NTRK3: variants seen among roughly 807,000 people sequenced by gnomAD.
The protein encoded by NTRK3 is NT-3 growth factor receptor.
Under a neutral mutation model 91.7 loss-of-function variants are expected in NTRK3, and 24 were observed. The observed-to-expected ratio is 0.26, with a 90% CI of 0.19 to 0.37. The LOEUF (loss-of-function observed/expected upper bound fraction) is 0.37. Among genes scored for constraint, NTRK3 ranks in the 10% least tolerant of loss-of-function variants. NTRK3 has a pLI of 1.00. For missense variants in NTRK3, 880 were observed against 1,068.9 expected (o/e 0.82, Z 2.46); for synonymous variants, 483 against 404.0 (o/e 1.20, Z -2.34).
intron 13 of NTRK3, among the ~76,000 whole-genome samples, chr15:88,081,547 G>A (rs2048040786): frequency 6.6e-6 from 1 of 152,178 alleles, no homozygotes. Flanking sequence ...AATCCTAGTG[G>A]GCTGGTCGTG....
intron 3 of NTRK3, among the ~76,000 whole-genome samples, chr15:88,207,267 G>A (rs771042643): frequency 3.3e-5 from 5 of 152,128 alleles, no homozygotes; most frequent in Non-Finnish European, 7.4e-5. Context: ...ATGGCACTGC[G>A]GGGATAGTTG....
In NTRK3 at chr15:87,992,423, C is replaced by T. The variant is rs567542035; in HGVS notation, c.1585+40434G>A. ...TTTCACCCCCAGCTCAGACTCCACTCTCTGTATAAGCCACTTGGCAGTTAA... is the reference window on the plus strand; with the variant it reads ...TTTCACCCCCAGCTCAGACTCCACTTTCTGTATAAGCCACTTGGCAGTTAA... On this transcript the variant is annotated intron_variant, in intron 14 of 18. Coordinates refer to ENST00000394480, the Ensembl canonical transcript of NTRK3. Among the ~76,000 whole-genome samples the T allele has an allele frequency of 5.6e-4, 86 of 152,338 alleles. 3 individuals carry two copies. The South Asian group carries it at 0.017, about 31-fold the overall frequency.
At chr15:87,893,560 G>C (rs1365704447) in intron 17 of NTRK3, among the ~76,000 whole-genome samples, 4 of 152,148 alleles carry the variant, frequency 2.6e-5, no homozygotes, top group Non-Finnish European at 5.9e-5. Context: ...CATTTCCATT[G>C]AGTGACTGCA....
At chr15:88,075,457 G>C (rs541658631) in intron 13 of NTRK3, among the ~76,000 whole-genome samples, 1 of 152,264 alleles carries the variant, frequency 6.6e-6, no homozygotes, top group East Asian at 1.9e-4. Context: ...GGTCCTAATA[G>C]ACAACGCCCT....
At chr15:88,253,809 G>A (rs957495122) in intron 3 of NTRK3, among the ~76,000 whole-genome samples, 23 of 152,096 alleles carry the variant, frequency 1.5e-4, no homozygotes, top group African/African-American at 5.3e-4. Context: ...CCTCCCAGAC[G>A]CCCTCCTGAG....
At chr15:87,942,509 G>A (rs761902146) in intron 14 of NTRK3, among the ~76,000 whole-genome samples, 7 of 152,146 alleles carry the variant, frequency 4.6e-5, no homozygotes, top group African/African-American at 9.7e-5. Context: ...TCATTCCCAG[G>A]TGACTAGGGA....
intron 5 of NTRK3, among the ~76,000 whole-genome samples, chr15:88,160,310 G>A (rs762196119): frequency 6.6e-6 from 1 of 152,194 alleles, no homozygotes; most frequent in Non-Finnish European, 1.5e-5. Flanking sequence ...TAGGCCCACT[G>A]AGGGACCCAT....
At chr15:87,889,511 TCTC>T (rs978067068) in intron 17 of NTRK3, among the ~76,000 whole-genome samples, 2 of 149,920 alleles carry the variant, frequency 1.3e-5, no homozygotes, top group Non-Finnish European at 3.0e-5. Flanking sequence ...TTCAAGCAAT[TCTC>T]CTCCTTCTGC....
intron 14 of NTRK3, among the ~76,000 whole-genome samples, chr15:88,031,875 T>G (rs552912286): frequency 6.6e-6 from 1 of 152,228 alleles, no homozygotes; most frequent in Non-Finnish European, 1.5e-5. Context: ...CGCCTCTTCC[T>G]AGGCCCACCC....
intron 13 of NTRK3, among the ~76,000 whole-genome samples, chr15:88,092,901 G>A (rs2049159701): frequency 6.6e-6 from 1 of 152,068 alleles, no homozygotes; most frequent in African/African-American, 2.4e-5. Flanking sequence ...CTTGCCTTCA[G>A]GACCTACCTG....
At chr15:87,950,197 G>T (rs2070966995) in intron 14 of NTRK3, among the ~76,000 whole-genome samples, 1 of 152,210 alleles carries the variant, frequency 6.6e-6, no homozygotes, top group Non-Finnish European at 1.5e-5. Context: ...GACATAGGTT[G>T]CAGGGCACTG....
chr15:88,089,547 G>C (rs2048819267), intron 13 of NTRK3, among the ~76,000 whole-genome samples: 1 of 152,206 alleles, frequency 6.6e-6, no homozygotes, highest in African/African-American at 2.4e-5. Context: ...GAAGACATGG[G>C]GGAAATGTCT....
intron 13 of NTRK3, among the ~76,000 whole-genome samples, chr15:88,117,058 C>T (rs956653291): frequency 6.6e-6 from 1 of 152,150 alleles, no homozygotes; most frequent in Non-Finnish European, 1.5e-5. Flanking sequence ...ATAGAAATCA[C>T]CAGAGGAAGT....
At chr15:87,987,231 G>A (rs2074893602) in intron 14 of NTRK3, among the ~76,000 whole-genome samples, 1 of 152,156 alleles carries the variant, frequency 6.6e-6, no homozygotes, top group Non-Finnish European at 1.5e-5. Context: ...ATTGCTAAAT[G>A]TTTACCCAAA....
At chr15:88,172,569 G>A (rs2045617384) in intron 5 of NTRK3, among the ~76,000 whole-genome samples, 1 of 152,210 alleles carries the variant, frequency 6.6e-6, no homozygotes, top group Admixed American at 6.5e-5. Flanking sequence ...AAATTCTTAA[G>A]GTTCAGTCCA....
At chr15:88,154,305 T>C (rs2043681682) in intron 5 of NTRK3, among the ~76,000 whole-genome samples, 1 of 152,016 alleles carries the variant, frequency 6.6e-6, no homozygotes, top group Non-Finnish European at 1.5e-5. Context: ...CCAGCCTCCT[T>C]GGGTTGAAGC....
At chr15:88,050,529 G>T (rs1303995754) in intron 13 of NTRK3, among the ~76,000 whole-genome samples, 1 of 149,580 alleles carries the variant, frequency 6.7e-6, no homozygotes, top group East Asian at 1.9e-4. Context: ...GTGTGTGTGT[G>T]TTTGTATAGA....
intron 14 of NTRK3, among the ~76,000 whole-genome samples, chr15:88,021,073 T>C (rs2077557384): frequency 3.3e-5 from 5 of 152,206 alleles, no homozygotes. Flanking sequence ...TCTCCGGATC[T>C]GGGGTTTAGG....
rs201625253 is a variant in NTRK3, at chr15:88,035,772, T to TA, written c.1397-2728dup. 8.1e-4 allele frequency among the ~76,000 whole-genome samples: 123 copies of TA among 151,098 alleles called. 1 individual carries two copies. Among genetic ancestry groups the TA allele is most frequent in the Middle Eastern group, 6.8e-3 (2 of 292 alleles). On this transcript the variant is annotated intron_variant, in intron 13 of 18. Transcript: ENST00000394480. ...ATGCAGGAAGCAGAAGAAGACTTTC[T>TA]AAACAAAAAAAACTACTAATATCCT...
Sources: gnomAD v4.1 joint callset for allele counts (sites outside exome capture counted in the v4.1 genomes callset) on GRCh38, gnomAD v4.1.1 for gene constraint, MANE v1.5 for transcripts, NCBI Gene and HGNC (gene_info 2026-07-23, HGNC 2026-07-21) for gene names.